The following MED12L variants were observed in gnomAD, a reference collection of about 807,000 sequenced individuals.
MED12L encodes the protein mediator of RNA polymerase II transcription subunit 12-like protein.
In MED12L, 60 loss-of-function variants were observed where a neutral mutation model predicts 281.3. The observed-to-expected ratio is 0.21, with a 90% confidence interval of 0.17 to 0.26. The LOEUF (loss-of-function observed/expected upper bound fraction) is 0.26, where lower values mean the gene tolerates loss of function less well. Ranked by LOEUF, MED12L falls within the 10% of genes least tolerant of loss-of-function variation. The pLI is 1.00. For missense variants in MED12L, 2,146 were observed against 2,680.9 expected (o/e 0.80, Z 4.41); for synonymous variants, 974 against 987.2 (o/e 0.99, Z 0.25).
At chr3:151,339,262 T>C (rs1751465583) in intron 16 of MED12L, among the ~76,000 whole-genome samples, 1 of 152,102 alleles carries the variant, frequency 6.6e-6, no homozygotes, top group African/African-American at 2.4e-5. Flanking sequence ...CACAGTCACT[T>C]TTCCCCCCAA....
At chr3:151,317,436 CTTTTTTTTTTTTTT>C (rs1164820615) in intron 16 of MED12L, among the ~76,000 whole-genome samples, 2 of 58,744 alleles carry the variant, frequency 3.4e-5, no homozygotes, top group African/African-American at 1.3e-4. Context: ...AATCATATCA[CTTTTTTTTTTTTTT>C]TTTTTTTTTT....
At chr3:151,224,577 C>T (rs1285929214) in intron 16 of MED12L, among the ~76,000 whole-genome samples, 1 of 151,908 alleles carries the variant, frequency 6.6e-6, no homozygotes, top group African/African-American at 2.4e-5. Flanking sequence ...CATCTGTGTT[C>T]TGCATTCCTG....
At chr3:151,340,325 A>C (rs1316666173) in intron 16 of MED12L, among the ~76,000 whole-genome samples, 2 of 152,122 alleles carry the variant, frequency 1.3e-5, no homozygotes, top group Non-Finnish European at 2.9e-5. Flanking sequence ...TCTGTATTTA[A>C]ATCTCATTTT....
intron 16 of MED12L, among the ~76,000 whole-genome samples, chr3:151,344,558 A>G (rs910619295): frequency 6.6e-6 from 1 of 152,196 alleles, no homozygotes; most frequent in African/African-American, 2.4e-5. Context: ...ACTGGTTTTT[A>G]CTGCTTTTCT....
At chr3:151,389,900 A>G in intron 37 of MED12L, 79 bp from the exon 38 acceptor site, 1 of 1,428,530 alleles carries the variant, frequency 7.0e-7, no homozygotes, top group South Asian at 1.2e-5. Context: ...TACCTCAGAT[A>G]GCTTACTGAA....
Position 151,357,260 on chromosome 3 carries a change from C to T in MED12L, c.2709C>T (p.Ser903=). The T allele has an allele frequency of 6.2e-7, 1 of 1,613,478 alleles. No individual in the cohort carries two copies. The highest frequency in any genetic ancestry group is 2.2e-5 in the East Asian group (1 of 44,846). The change falls in exon 20 of 45, where the codon TCC becomes TCT. Residue 903 remains serine, a synonymous_variant. Coordinates refer to ENST00000687756, the MANE Select transcript of MED12L (RefSeq NM_001393769.1). ...SVVEAELLLK[S]SSLAGSYTTG... ...TGGAAGCTGAACTGCTCCTAAAATC[C>T]TCCAGCCTGGCAGGAAGTTATACAA...
In MED12L at chr3:151,188,465, CAG is replaced by C; in HGVS notation, c.1739_1740del (p.Gln580ArgfsTer10). ...TGTGCTGTTAAGGTTTTTAGATACA[CAG>C]GCCCCCTCTTTGTGTAAGTAGAGAA... ...QNVLLRFLDT[Q>X]APSLSDPNSE... On this transcript the variant is annotated frameshift_variant, in exon 13 of 45. Transcript: ENST00000687756. LOFTEE classifies it high-confidence loss of function. The C allele has an allele frequency of 1.9e-6, 3 of 1,612,658 alleles. No individual in the cohort carries two copies. In the African/African-American group the frequency reaches 4.0e-5, roughly 22 times the overall value.
At chr3:151,126,048 CT>C (rs34482366) in intron 4 of MED12L, among the ~76,000 whole-genome samples, 34,414 of 130,586 alleles carry the variant, frequency 0.26, 4,925 homozygotes, top group African/African-American at 0.45. Flanking sequence ...ACTGCATCCT[CT>C]TTTTTTTTTT....
intron 12 of MED12L, among the ~76,000 whole-genome samples, chr3:151,186,217 T>C (rs1344111193): frequency 1.3e-5 from 2 of 152,194 alleles, no homozygotes; most frequent in African/African-American, 2.4e-5. Flanking sequence ...GGCCTTCCTT[T>C]CTGCCTGTGA....
intron 2 of MED12L, among the ~76,000 whole-genome samples, chr3:151,091,913 A>G (rs759822815): frequency 6.6e-6 from 1 of 152,200 alleles, no homozygotes; most frequent in Admixed American, 6.5e-5. Context: ...TGGGAAGAGA[A>G]AATGAGCTAA....
intron 16 of MED12L, among the ~76,000 whole-genome samples, chr3:151,252,601 C>T (rs1029074443): frequency 5.3e-5 from 8 of 152,000 alleles, no homozygotes; most frequent in Admixed American, 2.0e-4. Flanking sequence ...ACTTGTGTTT[C>T]GTAAATGATA....
chr3:151,260,614 A>G (rs1210043519), intron 16 of MED12L, among the ~76,000 whole-genome samples: 2 of 152,114 alleles, frequency 1.3e-5, no homozygotes, highest in East Asian at 3.9e-4. Context: ...GTCTACCAAC[A>G]TGCTGGAATT....
intron 16 of MED12L, among the ~76,000 whole-genome samples, chr3:151,265,204 A>G (rs958277632): frequency 2.0e-5 from 3 of 152,242 alleles, no homozygotes; most frequent in Admixed American, 2.0e-4. Context: ...CAAAGACGGA[A>G]TAAACAAAGG....
intron 16 of MED12L, among the ~76,000 whole-genome samples, chr3:151,271,603 A>G (rs1311422995): frequency 1.3e-5 from 2 of 152,220 alleles, no homozygotes; most frequent in Non-Finnish European, 2.9e-5. Flanking sequence ...GAACAACCCA[A>G]ATGCTCATCA....
At chr3:151,201,368 G>A (rs796804439) in intron 16 of MED12L, among the ~76,000 whole-genome samples, 15 of 152,268 alleles carry the variant, frequency 9.9e-5, no homozygotes, top group African/African-American at 3.6e-4. Context: ...TTAAGATTGG[G>A]ATTGGTGGGG....
At chr3:151,137,281 G>A (rs763628915) in intron 5 of MED12L, among the ~76,000 whole-genome samples, 12 of 151,460 alleles carry the variant, frequency 7.9e-5, no homozygotes, top group East Asian at 3.9e-4. Flanking sequence ...GTTAAATTTC[G>A]TGTTAAAATT....
At chr3:151,213,913 A>C in intron 16 of MED12L, 1 of 1,614,154 alleles carries the variant, frequency 6.2e-7, no homozygotes, top group Non-Finnish European at 8.5e-7. Context: ...GCTGTAACTC[A>C]CTGACTGGAT....
chr3:151,093,094 G>A lies in MED12L; in HGVS notation c.99+6069G>A, dbSNP rs115505341. 6.7e-3 allele frequency among the ~76,000 whole-genome samples: 1,022 copies of A among 152,316 alleles called. 2 individuals are homozygous for A. Among genetic ancestry groups the A allele is most frequent in the African/African-American group, 0.019 (774 of 41,562 alleles). On this transcript the variant is annotated intron_variant, in intron 2 of 44. Transcript: ENST00000687756. ...ACCAAGGCTGGAGGATTGCTTGAAAGTAGAAATTTGAGGCCAGCCTGGGCA... is the reference window on the plus strand; with the variant it reads ...ACCAAGGCTGGAGGATTGCTTGAAAATAGAAATTTGAGGCCAGCCTGGGCA...
At chr3:151,391,628 G>A (rs1480474532) in intron 38 of MED12L, among the ~76,000 whole-genome samples, 2 of 152,118 alleles carry the variant, frequency 1.3e-5, no homozygotes, top group Non-Finnish European at 2.9e-5. Context: ...TTTTAAGAAC[G>A]TTTACAAATT....
Sources: allele counts gnomAD v4.1 joint callset (sites outside exome capture counted in the v4.1 genomes callset), GRCh38; gene constraint gnomAD v4.1.1; transcripts MANE v1.5; gene names NCBI Gene and HGNC (gene_info 2026-07-23, HGNC 2026-07-21).